PDE4D: variants seen among roughly 807,000 people sequenced by gnomAD.
PDE4D encodes the protein 3',5'-cyclic-AMP phosphodiesterase 4D.
PDE4D carries 24 observed loss-of-function variants against 87.4 expected under a neutral mutation model. The ratio of observed to expected loss-of-function variants is 0.27; its 90% CI spans 0.20 to 0.39. PDE4D has a LOEUF of 0.39. PDE4D is among the 10% of genes least tolerant of loss of function. PDE4D has a pLI of 1.00. For synonymous variants in PDE4D, 384 were observed against 383.2 expected (o/e 1.00, Z -0.02); for missense variants, 714 against 1,041.0 (o/e 0.69, Z 4.32).
chr5:59,917,623 T>G (rs527581912), intron 3 of PDE4D, among the ~76,000 whole-genome samples: 5 of 152,334 alleles, frequency 3.3e-5, no homozygotes, highest in African/African-American at 1.2e-4. Context: ...TCTTCTAACA[T>G]AGCCCTGAAT....
chr5:59,912,965 T>A (rs12332620), intron 3 of PDE4D, among the ~76,000 whole-genome samples: 12,031 of 152,200 alleles, frequency 0.079, 1,005 homozygotes, highest in African/African-American at 0.21. Context: ...CTGACAAGTG[T>A]TCTTCAAGCT....
chr5:60,236,429 G>A (rs939872250), intron 1 of PDE4D, among the ~76,000 whole-genome samples: 8 of 151,736 alleles, frequency 5.3e-5, no homozygotes, highest in Admixed American at 3.9e-4. Flanking sequence ...TTTGAAAATG[G>A]CAAAAAGACA....
At chr5:60,393,679 A>G (rs1762701729) in intron 1 of PDE4D, among the ~76,000 whole-genome samples, 1 of 152,232 alleles carries the variant, frequency 6.6e-6, no homozygotes, top group Non-Finnish European at 1.5e-5. Flanking sequence ...CTCACAGCAA[A>G]TATCCCTGGA....
intron 1 of PDE4D, among the ~76,000 whole-genome samples, chr5:59,516,127 T>C (rs1811114022): frequency 6.6e-6 from 1 of 152,092 alleles, no homozygotes; most frequent in Admixed American, 6.5e-5. Context: ...AGATGTAAAA[T>C]AATTAAGTTT....
At chr5:60,286,792 A>G (rs1304025808) in intron 1 of PDE4D, among the ~76,000 whole-genome samples, 1 of 152,250 alleles carries the variant, frequency 6.6e-6, no homozygotes, top group South Asian at 2.1e-4. Context: ...TCAATGTGAA[A>G]TTGGGGTGAA....
intron 1 of PDE4D, among the ~76,000 whole-genome samples, chr5:59,513,312 G>T (rs963302599): frequency 1.3e-5 from 2 of 152,056 alleles, no homozygotes; most frequent in Non-Finnish European, 2.9e-5. Flanking sequence ...GTATCATATT[G>T]AGATATAAAA....
intron 2 of PDE4D, among the ~76,000 whole-genome samples, chr5:60,168,839 A>G (rs1783161354): frequency 1.3e-5 from 2 of 152,210 alleles, no homozygotes; most frequent in Admixed American, 6.5e-5. Context: ...AGAAATCATG[A>G]ATATGAGGGC....
At chr5:59,488,067 G>A (rs1229449485) in intron 1 of PDE4D, among the ~76,000 whole-genome samples, 1 of 151,596 alleles carries the variant, frequency 6.6e-6, no homozygotes, top group Non-Finnish European at 1.5e-5. Flanking sequence ...ACTAAGGCTT[G>A]GGGTCTAGGT....
At chr5:59,172,272 T>C (rs1325544818) in intron 5 of PDE4D, among the ~76,000 whole-genome samples, 3 of 127,764 alleles carry the variant, frequency 2.3e-5, no homozygotes, top group African/African-American at 9.1e-5. Context: ...ATTTATACAA[T>C]TTATAAGAAA....
At chr5:59,267,652 C>G (rs560947022) in intron 1 of PDE4D, among the ~76,000 whole-genome samples, 24 of 152,188 alleles carry the variant, frequency 1.6e-4, no homozygotes, top group African/African-American at 5.5e-4. Context: ...TTGATTCACT[C>G]TCATTATATC....
In PDE4D at chr5:58,976,432, G is replaced by T; in HGVS notation, c.1748C>A (p.Ala583Asp). The change falls in exon 13 of 15, where the codon GCT becomes GAT. Residue 583 changes from alanine (A) to aspartate (D), a missense_variant. By Grantham distance (126) the Ala-to-Asp change is moderately radical. Coordinates refer to ENST00000340635, the MANE Select transcript of PDE4D (RefSeq NM_001104631.2). Reference protein sequence around the residue: ...TDMSKHMNLLADLKTMVETKK... With the variant: ...TDMSKHMNLLDDLKTMVETKK... ...AGTTTCAACCATAGTCTTCAAATCA[G>T]CCAGTAGATTCATGTGTTTTGACAT... 1 of 1,593,772 alleles carries T rather than the reference G, an allele frequency of 6.3e-7. No individual in the cohort carries two copies. The highest frequency in any genetic ancestry group is 8.6e-7 in the Non-Finnish European group (1 of 1,168,982).
chr5:59,855,520 A>G (rs1745298023), intron 1 of PDE4D, among the ~76,000 whole-genome samples: 1 of 152,170 alleles, frequency 6.6e-6, no homozygotes, highest in Non-Finnish European at 1.5e-5. Flanking sequence ...TTAAGACCAG[A>G]GGATTATATC....
In PDE4D at chr5:60,179,499, AT is replaced by A. The variant is rs1224093263; in HGVS notation, c.42+6057del. Among the ~76,000 whole-genome samples the A allele has an allele frequency of 1.1e-4, 17 of 152,104 alleles. 1 individual carries two copies. The South Asian group carries it at 3.1e-3, about 28-fold the overall frequency. On this transcript the variant is annotated intron_variant, in intron 2 of 16. Coordinates refer to the PDE4D transcript ENST00000502484. ...TTGGTTTGGATTTTTTGTTTGCTTTATTTTTTAATGTGATTTCAATGCTGTT... is the reference window on the plus strand; with the variant it reads ...TTGGTTTGGATTTTTTGTTTGCTTTATTTTTAATGTGATTTCAATGCTGTT...
intron 1 of PDE4D, among the ~76,000 whole-genome samples, chr5:59,638,243 GAAACTCCTAACTC>G (rs1740929902): frequency 6.6e-6 from 1 of 151,378 alleles, no homozygotes; most frequent in Admixed American, 6.6e-5. Context: ...AAAAAACAAA[GAAACTCCTAACTC>G]ACTCCATGAG....
At chr5:59,503,677 T>C (rs1808722326) in intron 1 of PDE4D, among the ~76,000 whole-genome samples, 1 of 152,166 alleles carries the variant, frequency 6.6e-6, no homozygotes, top group Non-Finnish European at 1.5e-5. Context: ...TCAAGTTTGG[T>C]TTCATCCTGG....
At chr5:59,583,155 T>G (rs1824477946) in intron 1 of PDE4D, among the ~76,000 whole-genome samples, 1 of 152,236 alleles carries the variant, frequency 6.6e-6, no homozygotes. Flanking sequence ...GAAATTATAG[T>G]ATTTTTACAA....
At chr5:59,322,125 TA>T (rs1774828092) in intron 1 of PDE4D, among the ~76,000 whole-genome samples, 1 of 152,156 alleles carries the variant, frequency 6.6e-6, no homozygotes, top group Non-Finnish European at 1.5e-5. Context: ...TTCTCAGGAC[TA>T]ATTAAGACAC....
intron 3 of PDE4D, among the ~76,000 whole-genome samples, chr5:59,901,914 T>C (rs1752300456): frequency 7.2e-6 from 1 of 139,838 alleles, no homozygotes; most frequent in Admixed American, 7.3e-5. Flanking sequence ...AGAAAATGTC[T>C]TACATGCAAA....
intron 1 of PDE4D, among the ~76,000 whole-genome samples, chr5:59,762,889 A>C (rs1253893575): frequency 1.5e-5 from 2 of 136,840 alleles, no homozygotes; most frequent in African/African-American, 2.8e-5. Context: ...ATATATATAT[A>C]TATAGCTTGC....
Sources: gnomAD v4.1 joint callset for allele counts (sites outside exome capture counted in the v4.1 genomes callset) on GRCh38, gnomAD v4.1.1 for gene constraint, MANE v1.5 for transcripts, NCBI Gene and HGNC (gene_info 2026-07-23, HGNC 2026-07-21) for gene names.